EPN1: variants seen among roughly 807,000 people sequenced by gnomAD.
EPN1 encodes the protein epsin 1.
Under a neutral mutation model 56.9 loss-of-function variants are expected in EPN1, and 25 were observed. That is an observed-to-expected ratio of 0.44 (90% CI 0.32 to 0.61). The LOEUF (loss-of-function observed/expected upper bound fraction) is 0.61, where lower values mean the gene tolerates loss of function less well. Among genes scored for constraint, EPN1 ranks in the 20% least tolerant of loss-of-function variants. The probability of loss-of-function intolerance (pLI) is 0.05; values close to 1 mark genes in which losing one functional copy is unlikely to be tolerated. For missense variants in EPN1, 785 were observed against 823.7 expected, an observed-to-expected ratio of 0.95 and a Z score of 0.58; for synonymous variants, 411 against 361.8, an observed-to-expected ratio of 1.14 and a Z score of -1.54.
At chr19:55,692,902 T>C (rs757057031) in intron 8 of EPN1, 49 bp from the exon 9 acceptor site, 2 of 1,604,560 alleles carry the variant, frequency 1.2e-6, no homozygotes, top group East Asian at 4.5e-5. Flanking sequence ...AGGTGGGGGC[T>C]GAGGCGGGGC....
chr19:55,694,469 T>G lies in EPN1; in HGVS notation c.1265-257T>G. ...CCTGAAGCAGTTGCTGCCCTCTGGTTGTCAGAGGGTGACACCTGCTTCTGT... is the reference window on the plus strand; with the variant it reads ...CCTGAAGCAGTTGCTGCCCTCTGGTGGTCAGAGGGTGACACCTGCTTCTGT... On this transcript the variant is annotated intron_variant, in intron 9 of 10. Coordinates refer to ENST00000270460, the MANE Select transcript of EPN1 (RefSeq NM_001130072.2). The surrounding 1 kb of genome is among the most constrained non-coding windows in gnomAD (Gnocchi z 4.2). The G allele has an allele frequency of 7.3e-6, 3 of 411,662 alleles. No homozygotes were observed. The highest frequency in any genetic ancestry group is 8.5e-6 in the Non-Finnish European group (2 of 235,294). 25.5% of individuals were successfully genotyped at this position (411,662 alleles called of 1,614,324 possible).
Position 55,695,081 on chromosome 19 carries a change from G to T in EPN1, c.1523-67G>T. 6.2e-7 allele frequency: 1 copy of T among 1,608,570 alleles called. No individual in the cohort carries two copies. The highest frequency in any genetic ancestry group is 8.5e-7 in the Non-Finnish European group (1 of 1,176,912). On this transcript the variant is annotated intron_variant, in intron 10 of 10. Transcript: ENST00000270460. The surrounding 1 kb of genome is among the most constrained non-coding windows in gnomAD (Gnocchi z 4.4). ...GACACTTCGCCCTTTGCCTGCACATGCTGGATGGACACAGGTGGGCTGCGC... is the reference window on the plus strand; with the variant it reads ...GACACTTCGCCCTTTGCCTGCACATTCTGGATGGACACAGGTGGGCTGCGC...
rs1350798598 is a variant in EPN1 at position 55,699,943 on chromosome 19, CAG to C, written c.*4590_*4591del. 3.3e-5 allele frequency: 5 copies of C among 150,408 alleles called. No homozygotes were observed. The highest frequency in any genetic ancestry group is 9.8e-5 in the African/African-American group (4 of 40,874). 9.3% of individuals were successfully genotyped at this position (150,408 alleles called of 1,614,324 possible). ...AAAGCACTATTTTTTTTTTTTGAGA[CAG>C]AGTCTTGCTCTGTCGCCCAGGCTGG... On this transcript the variant is annotated 3_prime_UTR_variant, in exon 11 of 11. Coordinates refer to ENST00000270460, the MANE Select transcript of EPN1 (RefSeq NM_001130072.2).
chr19:55,692,056 T>C lies in EPN1; in HGVS notation c.1065T>C (p.Asp355=), dbSNP rs1418126067. ...GPTPDPWGSS[D]GGVPVSGPSA... is the part of the protein sequence containing the mutation. The stretch of plus-strand genomic sequence containing the variant: ...CGCCTGATCCATGGGGAAGTTCCGA[T>C]GGTGAGTGCGTGGCCCACTTGCATG... Residue 355 remains aspartate (D), a splice_region_variant and synonymous_variant, in exon 7 of 11, where the codon GAT becomes GAC. Coordinates refer to ENST00000270460, the MANE Select transcript of EPN1 (RefSeq NM_001130072.2). The C allele has an allele frequency of 1.3e-5, 19 of 1,439,782 alleles. No individual in the cohort carries two copies. In the South Asian group the frequency reaches 1.8e-4, roughly 13 times the overall value. The allele number at this position is 1,439,782 out of a possible 1,614,324, so 89.2% of individuals were successfully genotyped here.
In EPN1 at chr19:55,702,502, A is replaced by C. The variant is rs1479702505; in HGVS notation, c.*7146A>C. On this transcript the variant is annotated 3_prime_UTR_variant, in exon 11 of 11. Coordinates refer to ENST00000270460, the MANE Select transcript of EPN1 (RefSeq NM_001130072.2). ...GCCCATCTATGTATGTGGCTTGGTG[A>C]TTACCCAGGAACCTCCCAAGTCTGT... 1.3e-5 allele frequency: 2 copies of C among 152,132 alleles called. No individual in the cohort carries two copies. Among genetic ancestry groups the C allele is most frequent in the Non-Finnish European group, 2.9e-5 (2 of 68,026 alleles). The allele number at this position is 152,132 out of a possible 1,614,324, so 9.4% of individuals were successfully genotyped here.
intron 9 of EPN1, among the ~76,000 whole-genome samples, chr19:55,693,929 A>G (rs572637814): frequency 1.3e-5 from 2 of 152,264 alleles, no homozygotes; most frequent in African/African-American, 4.8e-5. Flanking sequence ...TTAAAAGGAA[A>G]ATCAGGCCAG....
Position 55,689,254 on chromosome 19 carries a change from T to C in EPN1, c.604-43T>C. 1.4e-6 allele frequency: 2 copies of C among 1,412,472 alleles called. No individual in the cohort carries two copies. Among genetic ancestry groups the C allele is most frequent in the Non-Finnish European group, 2.0e-6 (2 of 1,021,330 alleles). 87.5% of individuals were successfully genotyped at this position (1,412,472 alleles called of 1,614,324 possible). On this transcript the variant is annotated intron_variant, in intron 4 of 10. Transcript: ENST00000270460. The surrounding 1 kb of genome is among the most constrained non-coding windows in gnomAD (Gnocchi z 5.7). ...CCCTGGCTCTGCCTCTGACTCTGCC[T>C]CTGGCCCCTCCCGTCATGCCCCTCA... is the stretch of plus-strand genomic sequence containing the variant.
In EPN1 at chr19:55,701,076, G is replaced by C. The variant is rs1429586149; in HGVS notation, c.*5720G>C. ...GAGGGCTGGCGCGGGGGCCCTGAGG[G>C]CTCCCTGGTTCCCATCTTATCAAGA... is the stretch of plus-strand genomic sequence containing the variant. On this transcript the variant is annotated 3_prime_UTR_variant, in exon 11 of 11. Coordinates refer to ENST00000270460, the MANE Select transcript of EPN1 (RefSeq NM_001130072.2). 6.6e-6 allele frequency: 1 copy of C among 152,224 alleles called. No homozygotes were observed. Among genetic ancestry groups the C allele is most frequent in the Non-Finnish European group, 1.5e-5 (1 of 68,088 alleles). The allele number at this position is 152,224 out of a possible 1,614,324, so 9.4% of individuals were successfully genotyped here. A position where few individuals can be genotyped will look rare whatever the true frequency, so the allele number is the denominator to read the frequency against.
rs1568587465 is a variant in EPN1 at position 55,705,825 on chromosome 19, A to ATG, written c.*10470_*10471insGT. ...TGTTGTGGGATATATATATATATATATATTTAGAGTGTTGTGGGATATATA... is the reference window on the plus strand; with the variant it reads ...TGTTGTGGGATATATATATATATATATGTATTTAGAGTGTTGTGGGATATATA... On this transcript the variant is annotated 3_prime_UTR_variant, in exon 11 of 11. Transcript: ENST00000270460. The ATG allele has an allele frequency of 1.7e-4, 21 of 123,314 alleles. No homozygotes were observed. The highest frequency in any genetic ancestry group is 1.7e-5 in the Non-Finnish European group (1 of 59,994). 7.6% of individuals were successfully genotyped at this position (123,314 alleles called of 1,614,324 possible).
chr19:55,677,622 C>T, intron 1 of EPN1: 1 of 1,551,640 alleles, frequency 6.4e-7, no homozygotes, highest in Non-Finnish European at 8.7e-7. Context: ...TGGCACACAG[C>T]AGGGACCCAG....
Position 55,693,044 on chromosome 19 carries a change from C to A in EPN1, c.1264+7C>A. 1 of 1,608,864 alleles carries A rather than the reference C, an allele frequency of 6.2e-7. No individual in the cohort carries two copies. The highest frequency in any genetic ancestry group is 8.5e-7 in the Non-Finnish European group (1 of 1,176,104). ...ACCTCCGGGAGCAGCGCAGGTGAGCCCCTGCCCTCCCCTGCCCAGTGGCGA... is the reference window on the plus strand; with the variant it reads ...ACCTCCGGGAGCAGCGCAGGTGAGCACCTGCCCTCCCCTGCCCAGTGGCGA... On this transcript the variant is annotated splice_region_variant and intron_variant, in intron 9 of 10. Transcript: ENST00000270460.
At position 55,708,605 on chromosome 19, in the gene EPN1, A is replaced by C. The variant is rs1432309026; in HGVS notation, c.*13249A>C. On this transcript the variant is annotated 3_prime_UTR_variant, in exon 11 of 11. Transcript: ENST00000270460. Reference sequence around the variant, plus strand: ...CAAATGCATGCTCCTACACACCAAGACATCCATTAAGAAAATAAAGCCATG... The same window carrying C: ...CAAATGCATGCTCCTACACACCAAGCCATCCATTAAGAAAATAAAGCCATG... 4.8e-6 allele frequency: 1 copy of C among 207,632 alleles called. No individual in the cohort carries two copies. The highest frequency in any genetic ancestry group is 9.5e-6 in the Non-Finnish European group (1 of 104,822). 12.9% of individuals were successfully genotyped at this position (207,632 alleles called of 1,614,324 possible). A position where few individuals can be genotyped will look rare whatever the true frequency, so the allele number is the denominator to read the frequency against.
chr19:55,695,312 C>A lies in EPN1; in HGVS notation c.1687C>A (p.Pro563Thr), dbSNP rs779335855. 6.5e-7 allele frequency: 1 copy of A among 1,539,520 alleles called. No homozygotes were observed. Among genetic ancestry groups the A allele is most frequent in the Admixed American group, 1.9e-5 (1 of 51,356 alleles). ...GGGCCCTGGCCTGCCCCCCATGATG[C>A]CCCCGGGCCCCCCGGCCCCCAACAC... ...GGGPGLPPMM[P>T]PGPPAPNTNP... Residue 563 changes from proline (P) to threonine (T), a missense_variant, in exon 11 of 11, where the codon CCC becomes ACC. Coordinates refer to ENST00000270460, the MANE Select transcript of EPN1 (RefSeq NM_001130072.2). The surrounding 1 kb of genome is among the most constrained non-coding windows in gnomAD (Gnocchi z 4.4).
intron 2 of EPN1, among the ~76,000 whole-genome samples, chr19:55,683,453 G>A (rs757645672): frequency 9.9e-5 from 15 of 152,126 alleles, no homozygotes; most frequent in Non-Finnish European, 1.2e-4. Flanking sequence ...CCTGATCCAC[G>A]GGATCCTCCC....
chr19:55,709,179 G>C lies in EPN1; in HGVS notation c.*13823G>C. 1 of 585,262 alleles carries C rather than the reference G, an allele frequency of 1.7e-6. No individual in the cohort carries two copies. The highest frequency in any genetic ancestry group is 2.7e-6 in the Non-Finnish European group (1 of 367,556). The allele number at this position is 585,262 out of a possible 1,614,324, so 36.3% of individuals were successfully genotyped here. The stretch of plus-strand genomic sequence containing the variant: ...TCACTGGGAGAATTGTACTGAATTT[G>C]AAAAACAAGCATGAATCTTTCCTAT... On this transcript the variant is annotated 3_prime_UTR_variant, in exon 11 of 11. Transcript: ENST00000270460.
intron 2 of EPN1, 58 bp downstream of exon 2, chr19:55,678,913 G>T: frequency 7.8e-7 from 1 of 1,276,638 alleles, no homozygotes; most frequent in East Asian, 2.3e-5. Context: ...GAGGACAGGA[G>T]CCCGTGTTGT....
chr19:55,684,669 TAAACTACTGCTCCA>T (rs1986043827), intron 2 of EPN1, among the ~76,000 whole-genome samples: 4 of 152,310 alleles, frequency 2.6e-5, no homozygotes, highest in Non-Finnish European at 2.9e-5. Flanking sequence ...GCAGAGGTGA[TAAACTACTGCTCCA>T]GGCTGTTAGT....
intron 6 of EPN1, among the ~76,000 whole-genome samples, chr19:55,690,218 G>C (rs1198830547): frequency 6.6e-6 from 1 of 152,236 alleles, no homozygotes; most frequent in Admixed American, 6.5e-5. Flanking sequence ...GCCACCACCG[G>C]CCGCCACAGC....
rs911347335 is a variant in EPN1, at chr19:55,705,751, A to G, written c.*10395A>G. Reference sequence around the variant, plus strand: ...TCGAGAAAATGACATGTCAATCATAAGGTCAGGTTCTTCAACAGTCATACT... The same window carrying G: ...TCGAGAAAATGACATGTCAATCATAGGGTCAGGTTCTTCAACAGTCATACT... On this transcript the variant is annotated 3_prime_UTR_variant, in exon 11 of 11. Coordinates refer to ENST00000270460, the MANE Select transcript of EPN1 (RefSeq NM_001130072.2). 8.0e-5 allele frequency: 12 copies of G among 149,746 alleles called. No individual in the cohort carries two copies. The highest frequency in any genetic ancestry group is 2.7e-4 in the African/African-American group (11 of 40,294). 9.3% of individuals were successfully genotyped at this position (149,746 alleles called of 1,614,324 possible). A position where few individuals can be genotyped will look rare whatever the true frequency, so the allele number is the denominator to read the frequency against.
Sources: gnomAD v4.1 joint callset for allele counts (sites outside exome capture counted in the v4.1 genomes callset) on GRCh38, gnomAD v4.1.1 for gene constraint, Gnocchi (gnomAD v3.1) non-coding constraint, MANE v1.5 for transcripts, NCBI Gene and HGNC (gene_info 2026-07-23, HGNC 2026-07-21) for gene names.